ADGRG7: variants seen among roughly 807,000 people sequenced by gnomAD.
ADGRG7 encodes adhesion G protein-coupled receptor G7.
A neutral mutation model predicts 88.6 loss-of-function variants in ADGRG7; 82 were observed. The ratio of observed to expected loss-of-function variants is 0.93; its 90% CI spans 0.77 to 1.11. The LOEUF (loss-of-function observed/expected upper bound fraction) is 1.11. Ranked by LOEUF, ADGRG7 falls within the 50% of genes most tolerant of loss-of-function variation. ADGRG7 has a pLI of 0.00. For synonymous variants in ADGRG7, 381 were observed against 345.2 expected, an observed-to-expected ratio of 1.10 and a Z score of -1.15; for missense variants, 945 against 953.4, an observed-to-expected ratio of 0.99 and a Z score of 0.12.
intron 1 of ADGRG7, among the ~76,000 whole-genome samples, chr3:100,614,723 T>C (rs1218653680): frequency 6.6e-6 from 1 of 152,178 alleles, no homozygotes; most frequent in Non-Finnish European, 1.5e-5. Flanking sequence ...TCCCTACTTA[T>C]TAAAATCAAA....
At chr3:100,661,920 G>A (rs2094946112) in intron 14 of ADGRG7, among the ~76,000 whole-genome samples, 1 of 152,088 alleles carries the variant, frequency 6.6e-6, no homozygotes, top group Admixed American at 6.5e-5. Context: ...AAGTTGTAAT[G>A]GCTCAAACTC....
At chr3:100,634,977 T>A (rs1707512072) in intron 4 of ADGRG7, among the ~76,000 whole-genome samples, 1 of 151,030 alleles carries the variant, frequency 6.6e-6, no homozygotes, top group South Asian at 2.1e-4. Context: ...TGTGAAATGA[T>A]GCTGCCATCT....
chr3:100,658,048 A>C (rs766972633), intron 13 of ADGRG7, among the ~76,000 whole-genome samples: 21 of 152,122 alleles, frequency 1.4e-4, no homozygotes, highest in Admixed American at 4.6e-4. Flanking sequence ...GGCCTACCTG[A>C]CACCTCCACT....
At chr3:100,681,962 CAT>C (rs958021523) in intron 15 of ADGRG7, among the ~76,000 whole-genome samples, 3 of 152,208 alleles carry the variant, frequency 2.0e-5, no homozygotes, top group African/African-American at 7.2e-5. Flanking sequence ...AAGGAATCCA[CAT>C]GATTGTTAGA....
At chr3:100,690,474 C>T (rs547233478) in intron 15 of ADGRG7, among the ~76,000 whole-genome samples, 7 of 152,198 alleles carry the variant, frequency 4.6e-5, no homozygotes, top group East Asian at 1.9e-4. Flanking sequence ...TTTTTCTGCT[C>T]GGTTTTTTCC....
intron 15 of ADGRG7, among the ~76,000 whole-genome samples, chr3:100,671,395 C>T (rs922469981): frequency 9.2e-5 from 14 of 151,894 alleles, no homozygotes; most frequent in Non-Finnish European, 1.6e-4. Context: ...TTTTTGATAG[C>T]GCTGTTTGTT....
intron 14 of ADGRG7, among the ~76,000 whole-genome samples, chr3:100,660,088 C>T (rs1010901044): frequency 2.0e-5 from 3 of 152,174 alleles, no homozygotes; most frequent in South Asian, 4.1e-4. Context: ...AAGTGAGGAT[C>T]AACTAAAAAC....
intron 15 of ADGRG7, among the ~76,000 whole-genome samples, chr3:100,686,061 G>A (rs1293721873): frequency 8.1e-4 from 123 of 151,142 alleles, no homozygotes; most frequent in Middle Eastern, 3.4e-3. Flanking sequence ...TTTAATGATC[G>A]CCATTGTAAC....
chr3:100,677,757 G>A (rs2094967575), intron 15 of ADGRG7, among the ~76,000 whole-genome samples: 1 of 151,942 alleles, frequency 6.6e-6, no homozygotes, highest in South Asian at 2.1e-4. Flanking sequence ...CTCTTTTTTG[G>A]GCTATAAGGT....
chr3:100,694,324 T>C (rs372487375), intron 15 of ADGRG7, among the ~76,000 whole-genome samples: 2 of 152,210 alleles, frequency 1.3e-5, no homozygotes, highest in East Asian at 3.8e-4. Flanking sequence ...TACATTTTTT[T>C]GTCCTTAAGT....
intron 4 of ADGRG7, among the ~76,000 whole-genome samples, chr3:100,633,656 G>A (rs1349541081): frequency 6.6e-6 from 1 of 151,960 alleles, no homozygotes; most frequent in Non-Finnish European, 1.5e-5. Context: ...TCCTGAGTAA[G>A]CTGGGATTAC....
chr3:100,649,838 A>T, intron 11 of ADGRG7, 31 bp downstream of exon 11: 1 of 1,267,052 alleles, frequency 7.9e-7, no homozygotes, highest in Non-Finnish European at 1.1e-6. Flanking sequence ...TTTTCAGAAG[A>T]GAAATTGCTA....
intron 1 of ADGRG7, among the ~76,000 whole-genome samples, chr3:100,626,900 T>C: frequency 6.6e-6 from 1 of 152,276 alleles, no homozygotes; most frequent in Non-Finnish European, 1.5e-5. Context: ...TATGCTTTTA[T>C]ATTTCAATTG....
chr3:100,639,936 A>C (rs1014924077), intron 6 of ADGRG7, among the ~76,000 whole-genome samples: 4 of 152,340 alleles, frequency 2.6e-5, no homozygotes, highest in Admixed American at 1.3e-4. Flanking sequence ...TGGTGTAAGC[A>C]TGCTCAATTT....
At chr3:100,665,593 G>T (rs1391738912) in intron 14 of ADGRG7, 1 of 355,972 alleles carries the variant, frequency 2.8e-6, no homozygotes, top group Non-Finnish European at 5.5e-6. Context: ...CTATATGAAC[G>T]GTAGTTCATA....
intron 15 of ADGRG7, 63 bp from the exon 16 acceptor site, chr3:100,694,681 A>C (rs1190410788): frequency 1.1e-5 from 16 of 1,484,160 alleles, no homozygotes; most frequent in Non-Finnish European, 1.5e-5. Flanking sequence ...AGTGAAATAA[A>C]ATGTCTTCCT....
intron 11 of ADGRG7, among the ~76,000 whole-genome samples, chr3:100,652,105 T>A (rs1288816089): frequency 6.6e-6 from 1 of 152,148 alleles, no homozygotes; most frequent in East Asian, 1.9e-4. Flanking sequence ...TAAAATTAGA[T>A]AAAAACTAGA....
intron 1 of ADGRG7, among the ~76,000 whole-genome samples, chr3:100,627,432 A>G (rs1027784528): frequency 2.6e-5 from 4 of 152,178 alleles, no homozygotes; most frequent in Admixed American, 2.6e-4. Context: ...ATGATGTATT[A>G]TTAGTTTTAT....
At chr3:100,616,602 A>G (rs138833417) in intron 1 of ADGRG7, among the ~76,000 whole-genome samples, 326 of 152,284 alleles carry the variant, frequency 2.1e-3, no homozygotes, top group Non-Finnish European at 4.0e-3. Context: ...CTTGAAGCCA[A>G]GAGTTTGAGA....
Sources: allele counts gnomAD v4.1 joint callset (sites outside exome capture counted in the v4.1 genomes callset), GRCh38; gene constraint gnomAD v4.1.1; transcripts MANE v1.5; gene names NCBI Gene and HGNC (gene_info 2026-07-23, HGNC 2026-07-21).